TRMU: variants seen among roughly 807,000 people sequenced by gnomAD.
The protein encoded by TRMU is tRNA mitochondrial 2-thiouridylase, also known as mitochondrial tRNA-specific 2-thiouridylase 1.
In TRMU, 49 loss-of-function variants were observed where a neutral mutation model predicts 46.9. The observed-to-expected ratio is 1.05, with a 90% CI of 0.83 to 1.33. The LOEUF is 1.33. Among genes scored for constraint, TRMU ranks in the 40% most tolerant of loss-of-function variants. The pLI, the probability that TRMU is intolerant of heterozygous loss-of-function variation, is 0.00. For synonymous variants in TRMU, 241 were observed against 200.9 expected (o/e 1.20, Z -1.69); for missense variants, 572 against 532.4 (o/e 1.07, Z -0.73).
At chr22:46,346,800 C>A (rs976889890) in intron 4 of TRMU, among the ~76,000 whole-genome samples, 1 of 152,230 alleles carries the variant, frequency 6.6e-6, no homozygotes, top group Non-Finnish European at 1.5e-5. Flanking sequence ...TACTGATAAT[C>A]CAGCTCTCGA....
chr22:46,351,532 GTCC>G lies in TRMU; in HGVS notation c.652-583_652-581del. The G allele has an allele frequency of 5.3e-6, 1 of 188,426 alleles. No individual in the cohort carries two copies. Among genetic ancestry groups the G allele is most frequent in the South Asian group, 1.1e-4 (1 of 8,914 alleles). 11.7% of individuals were successfully genotyped at this position (188,426 alleles called of 1,614,324 possible). On this transcript the variant is annotated intron_variant, in intron 5 of 10. Transcript: ENST00000645190. The surrounding 1 kb of genome is among the most constrained non-coding windows in gnomAD (Gnocchi z 6.4). ...TCCCTGAAGAGCACGCCCACCGCCC[GTCC>G]TCCTCTCCTCTTGTTTTCCGTTTCC... is the stretch of plus-strand genomic sequence containing the variant.
At position 46,352,508 on chromosome 22, in the gene TRMU, G is replaced by A. The variant is rs1285434717; in HGVS notation, c.772+178G>A. 3 of 695,698 alleles carry A rather than the reference G, an allele frequency of 4.3e-6. No individual in the cohort carries two copies. In the African/African-American group the frequency reaches 5.3e-5, roughly 12 times the overall value. The allele number at this position is 695,698 out of a possible 1,614,324, so 43.1% of individuals were successfully genotyped here. A position where few individuals can be genotyped will look rare whatever the true frequency, so the allele number is the denominator to read the frequency against. On this transcript the variant is annotated intron_variant, in intron 7 of 10. Coordinates refer to ENST00000645190, the MANE Select transcript of TRMU (RefSeq NM_018006.5). The stretch of plus-strand genomic sequence containing the variant: ...GGGTGGAACAGTTGCCTTGATGGTG[G>A]CTGGGTGCACTTCCAGATGTGGCCT...
rs2078145205 is a variant in TRMU at position 46,342,413 on chromosome 22, A to C, written c.249-849A>C. On this transcript the variant is annotated intron_variant, in intron 2 of 10. Coordinates refer to ENST00000645190, the MANE Select transcript of TRMU (RefSeq NM_018006.5). The surrounding 1 kb of genome is among the most constrained non-coding windows in gnomAD (Gnocchi z 4.7). ...GGACCACCCTCCAGGAGCCTCCACAAGTGTAGCTGTGCAGAAGCTCTCTGA... is the reference window on the plus strand; with the variant it reads ...GGACCACCCTCCAGGAGCCTCCACACGTGTAGCTGTGCAGAAGCTCTCTGA... Among the ~76,000 whole-genome samples the C allele has an allele frequency of 6.6e-6, 1 of 152,182 alleles. No individual in the cohort carries two copies.
chr22:46,353,578 AATG>A, intron 7 of TRMU, 186 bp from the exon 8 acceptor site: 1 of 563,768 alleles, frequency 1.8e-6, no homozygotes, highest in Non-Finnish European at 3.3e-6. Context: ...AGGCCTGGAC[AATG>A]ATGAGATGTG....
rs1336966238 is a variant in TRMU at position 46,338,465 on chromosome 22, C to G, written c.248+521C>G. 1.3e-5 allele frequency among the ~76,000 whole-genome samples: 2 copies of G among 152,206 alleles called. No individual in the cohort carries two copies. Among genetic ancestry groups the G allele is most frequent in the Non-Finnish European group, 2.9e-5 (2 of 68,036 alleles). On this transcript the variant is annotated intron_variant, in intron 2 of 10. Coordinates refer to ENST00000645190, the MANE Select transcript of TRMU (RefSeq NM_018006.5). The surrounding 1 kb of genome is among the most constrained non-coding windows in gnomAD (Gnocchi z 4.5). ...AAGATGTCTTCACTGTGACCTGGCT[C>G]TGTAGGAGTTTGCGGTCTAGTTGGG... is the stretch of plus-strand genomic sequence containing the variant.
In TRMU at chr22:46,348,198, A is replaced by G. The variant is rs1188071444; in HGVS notation, c.478+1654A>G. 6.6e-6 allele frequency among the ~76,000 whole-genome samples: 1 copy of G among 152,106 alleles called. No individual in the cohort carries two copies. Among genetic ancestry groups the G allele is most frequent in the Non-Finnish European group, 1.5e-5 (1 of 68,004 alleles). ...ACGGGGCCTGAGGAGATGGAGGGTT[A>G]ATTTCCATGTTGAATAGATGCGCCT... is the stretch of plus-strand genomic sequence containing the variant. On this transcript the variant is annotated intron_variant, in intron 4 of 10. Coordinates refer to ENST00000645190, the MANE Select transcript of TRMU (RefSeq NM_018006.5). The surrounding 1 kb of genome is among the most constrained non-coding windows in gnomAD (Gnocchi z 4.8).
intron 3 of TRMU, among the ~76,000 whole-genome samples, chr22:46,346,018 G>A (rs974579485): frequency 7.2e-5 from 11 of 151,986 alleles, no homozygotes; most frequent in Admixed American, 4.6e-4. Context: ...TCATCTGCCC[G>A]CCTCGGCCTC....
intron 7 of TRMU, 124 bp from the exon 8 acceptor site, chr22:46,353,643 T>C (rs1601984103): frequency 1.2e-6 from 1 of 841,004 alleles, no homozygotes; most frequent in East Asian, 2.6e-5. Context: ...CGTATCTTCC[T>C]AGTGAGTTAC....
intron 1 of TRMU, 139 bp downstream of exon 1, chr22:46,335,985 C>T (rs1378994027): frequency 6.8e-7 from 1 of 1,461,000 alleles, no homozygotes; most frequent in Non-Finnish European, 9.0e-7. Flanking sequence ...ATACCCCGTC[C>T]TCTGACTTTG....
At chr22:46,355,731 C>G in intron 9 of TRMU, 143 bp downstream of exon 9, 2 of 1,410,430 alleles carry the variant, frequency 1.4e-6, no homozygotes, top group Non-Finnish European at 2.0e-6. Context: ...ATTTAGAACT[C>G]CCGTGTCCTG....
At chr22:46,356,379 G>C (rs2078608568) in intron 10 of TRMU, 2 of 470,062 alleles carry the variant, frequency 4.3e-6, no homozygotes, top group Non-Finnish European at 7.9e-6. Flanking sequence ...TGCTCAAAGA[G>C]GCAGAGGGTC....
chr22:46,336,078 C>G lies in TRMU; in HGVS notation c.82+232C>G. 3 of 1,377,114 alleles carry G rather than the reference C, an allele frequency of 2.2e-6. No homozygotes were observed. The highest frequency in any genetic ancestry group is 2.8e-6 in the Non-Finnish European group (3 of 1,069,068). 85.3% of individuals were successfully genotyped at this position (1,377,114 alleles called of 1,614,324 possible). A position where few individuals can be genotyped will look rare whatever the true frequency, so the allele number is the denominator to read the frequency against. On this transcript the variant is annotated intron_variant, in intron 1 of 10. Transcript: ENST00000645190. This position sits in a 1 kb window ranked among gnomAD's most constrained non-coding sequence, Gnocchi z 4.1. ...CGACTACCTGGGAGCAGTTCCGCGC[C>G]CCTCTCCACCCACGCGCGCCCACCC... is the stretch of plus-strand genomic sequence containing the variant.
In TRMU at chr22:46,356,968, A is replaced by G; in HGVS notation, c.1228A>G (p.Ser410Gly). The G allele has an allele frequency of 2.5e-6, 4 of 1,613,602 alleles. No homozygotes were observed. Among genetic ancestry groups the G allele is most frequent in the Non-Finnish European group, 3.4e-6 (4 of 1,180,002 alleles). The change falls in exon 11 of 11, where the codon AGC becomes GGC. Residue 410 changes from serine to glycine, a missense_variant. Coordinates refer to ENST00000645190, the MANE Select transcript of TRMU (RefSeq NM_018006.5). ...GATGGCCACTGAGAGCCCCAGTGAC[A>G]GCCCAGAAGATGGTCCAGGCCTGAG... Reference protein sequence around the residue: ...AGMATESPSDSPEDGPGLSPL... With the variant: ...AGMATESPSDGPEDGPGLSPL...
Position 46,343,439 on chromosome 22 carries a change from G to C in TRMU, c.355+71G>C, listed in dbSNP as rs188005625. ...CTCGCTCTGTCACCCAGGCTGGATT[G>C]CAGTGGTGCGATCATGACTCACTGC... On this transcript the variant is annotated intron_variant, in intron 3 of 10. Transcript: ENST00000645190. 6.0e-3 allele frequency: 7,036 copies of C among 1,164,910 alleles called. 40 individuals carry two copies. Among genetic ancestry groups the C allele is most frequent in the Non-Finnish European group, 7.5e-3 (5,965 of 792,524 alleles). The allele number at this position is 1,164,910 out of a possible 1,614,324, so 72.2% of individuals were successfully genotyped here. A position where few individuals can be genotyped will look rare whatever the true frequency, so the allele number is the denominator to read the frequency against.
Position 46,335,807 on chromosome 22 carries a change from G to T in TRMU, c.43G>T (p.Val15Leu). 1 of 1,561,172 alleles carries T rather than the reference G, an allele frequency of 6.4e-7. No individual in the cohort carries two copies. The highest frequency in any genetic ancestry group is 2.4e-5 in the East Asian group (1 of 42,056). ...CGTCGTGTGCGCCCTGTCCGGCGGC[G>T]TGGACAGCGCCGTGGCCGCGCTGCT... ...RHVVCALSGG[V>L]DSAVAALLLR... The change falls in exon 1 of 11, where the codon GTG becomes TTG. Residue 15 changes from valine (V) to leucine (L), a missense_variant. Coordinates refer to ENST00000645190, the MANE Select transcript of TRMU (RefSeq NM_018006.5).
intron 2 of TRMU, 55 bp downstream of exon 2, chr22:46,337,999 T>G (rs1225573393): frequency 1.2e-6 from 2 of 1,610,938 alleles, no homozygotes; most frequent in Non-Finnish European, 1.7e-6. Flanking sequence ...ATCCTTGCAG[T>G]GGAAGGATCC....
At chr22:46,352,079 G>A (rs369158813) in intron 5 of TRMU, 42 bp from the exon 6 acceptor site, 53 of 1,609,320 alleles carry the variant, frequency 3.3e-5, no homozygotes, top group Middle Eastern at 4.5e-4. Context: ...TTGGGCCACC[G>A]CCACTTCTGC....
chr22:46,337,696 G>A, intron 1 of TRMU, 83 bp from the exon 2 acceptor site: 1 of 1,557,918 alleles, frequency 6.4e-7, no homozygotes, highest in Non-Finnish European at 8.8e-7. Context: ...AGCGTGTGGG[G>A]AACTTCTCAG....
intron 10 of TRMU, 143 bp from the exon 11 acceptor site, chr22:46,356,699 G>A (rs2078620390): frequency 1.0e-6 from 1 of 981,308 alleles, no homozygotes; most frequent in Non-Finnish European, 1.5e-6. Context: ...AGCAGCAGCA[G>A]CAGCAGCAAA....
Sources: allele counts gnomAD v4.1 joint callset (sites outside exome capture counted in the v4.1 genomes callset), GRCh38; gene constraint gnomAD v4.1.1; non-coding constraint Gnocchi (gnomAD v3.1); transcripts MANE v1.5; gene names NCBI Gene and HGNC (gene_info 2026-07-23, HGNC 2026-07-21).